Variants in AMD1 observed in about 807,000 individuals in gnomAD.
AMD1 encodes the protein S-adenosylmethionine decarboxylase proenzyme.
A neutral mutation model predicts 40.2 loss-of-function variants in AMD1; 11 were observed. That is an observed-to-expected ratio of 0.27 (90% CI 0.17 to 0.45). The LOEUF (loss-of-function observed/expected upper bound fraction) is 0.45. AMD1 is among the 20% of genes least tolerant of loss of function. The pLI is 1.00. For missense variants in AMD1, 257 were observed against 410.2 expected, an observed-to-expected ratio of 0.63 and a Z score of 3.23; for synonymous variants, 121 against 130.8, an observed-to-expected ratio of 0.93 and a Z score of 0.51.
intron 1 of AMD1, among the ~76,000 whole-genome samples, chr6:110,877,829 A>G (rs1008155): frequency 0.052 from 7,876 of 152,278 alleles, 268 homozygotes; most frequent in South Asian, 0.1. Context: ...GAATAAACTA[A>G]AAGTAGGTTA....
chr6:110,815,191 T>G, the AMD1 span: 1 of 1,413,694 alleles, frequency 7.1e-7, no homozygotes, highest in Non-Finnish European at 9.4e-7. Flanking sequence ...GCTCAGTCCC[T>G]CCTCCTCCTC....
the AMD1 span, among the ~76,000 whole-genome samples, chr6:110,835,334 T>C: frequency 5.3e-5 from 8 of 152,160 alleles, no homozygotes; most frequent in East Asian, 1.2e-3. Context: ...TACTATTATA[T>C]GATACTACAT....
chr6:110,832,890 G>A, the AMD1 span, among the ~76,000 whole-genome samples: 1 of 152,038 alleles, frequency 6.6e-6, no homozygotes, highest in Admixed American at 6.6e-5. Context: ...GCACGATGTC[G>A]GCTCACTGCA....
chr6:110,834,279 CAGTGAACTA>C, the AMD1 span, among the ~76,000 whole-genome samples: 1 of 152,042 alleles, frequency 6.6e-6, no homozygotes, highest in Admixed American at 6.6e-5. Flanking sequence ...TCCCAGGCTG[CAGTGAACTA>C]TGATCACGCC....
Position 110,874,929 on chromosome 6 carries a change from A to C in AMD1, c.-177A>C, listed in dbSNP as rs1462755855. 1 of 579,822 alleles carries C rather than the reference A, an allele frequency of 1.7e-6. No homozygotes were observed. Among genetic ancestry groups the C allele is most frequent in the African/African-American group, 1.9e-5 (1 of 53,392 alleles). The allele number at this position is 579,822 out of a possible 1,614,324, so 35.9% of individuals were successfully genotyped here. Reference sequence around the variant, plus strand: ...ACTTTCGCTCACACAAAGCCGGGAAAATTTTATTAGTCCTTTTTTTAAAAA... The same window carrying C: ...ACTTTCGCTCACACAAAGCCGGGAACATTTTATTAGTCCTTTTTTTAAAAA... On this transcript the variant is annotated 5_prime_UTR_variant, in exon 1 of 9. Transcript: ENST00000368885.
At chr6:110,817,445 T>A in the AMD1 span, among the ~76,000 whole-genome samples, 1 of 152,080 alleles carries the variant, frequency 6.6e-6, no homozygotes, top group South Asian at 2.1e-4. Flanking sequence ...CTGCCTCTTA[T>A]TAAAAATGCA....
At chr6:110,891,986 C>A in intron 4 of AMD1, 175 bp from the exon 5 acceptor site, 3 of 733,962 alleles carry the variant, frequency 4.1e-6, no homozygotes, top group Non-Finnish European at 6.8e-6. Flanking sequence ...CCACCTCTGC[C>A]TCCCTGCCAA....
the AMD1 span, among the ~76,000 whole-genome samples, chr6:110,834,449 A>G: frequency 2.6e-5 from 4 of 152,212 alleles, no homozygotes; most frequent in Non-Finnish European, 4.4e-5. Context: ...TCTATATCAA[A>G]TGTATAGACT....
chr6:110,854,232 G>C, the AMD1 span, among the ~76,000 whole-genome samples: 1 of 152,134 alleles, frequency 6.6e-6, no homozygotes, highest in South Asian at 2.1e-4. Context: ...AGCACTGGTG[G>C]TACCACACCT....
intron 1 of AMD1, among the ~76,000 whole-genome samples, chr6:110,882,679 AG>A (rs1237068573): frequency 6.6e-6 from 1 of 152,204 alleles, no homozygotes; most frequent in Non-Finnish European, 1.5e-5. Flanking sequence ...CTAGGTTGAT[AG>A]ACAGTTTAAC....
chr6:110,836,380 G>C, the AMD1 span, among the ~76,000 whole-genome samples: 4 of 152,064 alleles, frequency 2.6e-5, no homozygotes, highest in Non-Finnish European at 4.4e-5. Flanking sequence ...CCATGTAACA[G>C]AATGTTGTAG....
chr6:110,876,408 C>T (rs1785117956), intron 1 of AMD1, among the ~76,000 whole-genome samples: 1 of 152,144 alleles, frequency 6.6e-6, no homozygotes, highest in South Asian at 2.1e-4. Flanking sequence ...CAGAGCCTGG[C>T]CCCAGGGTGT....
rs543656957 is a variant in AMD1, at chr6:110,891,835, C to T, written c.428-326C>T. 9.4e-4 allele frequency: 278 copies of T among 295,148 alleles called. 5 individuals are homozygous for T. Among genetic ancestry groups the T allele is most frequent in the South Asian group, 9.3e-3 (222 of 23,942 alleles). 18.3% of individuals were successfully genotyped at this position (295,148 alleles called of 1,614,324 possible). A position where few individuals can be genotyped will look rare whatever the true frequency, so the allele number is the denominator to read the frequency against. ...TTGGCTCACTGCAACCTCCGCCTCC[C>T]GGGTTCAAGCAGTTCTCCTGCCTCA... On this transcript the variant is annotated intron_variant, in intron 4 of 8. Transcript: ENST00000368885.
At chr6:110,820,973 G>A in the AMD1 span, among the ~76,000 whole-genome samples, 2 of 152,204 alleles carry the variant, frequency 1.3e-5, no homozygotes, top group African/African-American at 2.4e-5. Context: ...AGAACATAGT[G>A]TGGGACAAAG....
chr6:110,867,093 G>C, the AMD1 span, among the ~76,000 whole-genome samples: 1 of 151,808 alleles, frequency 6.6e-6, no homozygotes. Context: ...GATTACAGGC[G>C]TGAGCCACCG....
chr6:110,816,832 C>T, the AMD1 span, among the ~76,000 whole-genome samples: 1 of 152,204 alleles, frequency 6.6e-6, no homozygotes, highest in African/African-American at 2.4e-5. Context: ...CAAGGATCCT[C>T]CTGCCTCAGA....
chr6:110,862,835 G>T, the AMD1 span, among the ~76,000 whole-genome samples: 1 of 152,154 alleles, frequency 6.6e-6, no homozygotes, highest in Non-Finnish European at 1.5e-5. Flanking sequence ...TCTGACATTA[G>T]TATTTAAGCT....
the AMD1 span, among the ~76,000 whole-genome samples, chr6:110,833,261 T>C: frequency 6.6e-6 from 1 of 152,236 alleles, no homozygotes; most frequent in African/African-American, 2.4e-5. Context: ...AAAAGAATGC[T>C]TCAGTTGTCC....
the AMD1 span, among the ~76,000 whole-genome samples, chr6:110,838,331 G>C: frequency 1.3e-5 from 2 of 150,606 alleles, no homozygotes; most frequent in Non-Finnish European, 3.0e-5. Context: ...AGAGGTTGCA[G>C]TGAGCTGAGA....
Sources: allele counts gnomAD v4.1 joint callset (sites outside exome capture counted in the v4.1 genomes callset), GRCh38; gene constraint gnomAD v4.1.1; transcripts MANE v1.5; gene names NCBI Gene and HGNC (gene_info 2026-07-23, HGNC 2026-07-21).